Variants in SLC19A3 observed in about 807,000 individuals in gnomAD.
SLC19A3 encodes the protein solute carrier family 19 member 3, also known as thiamine transporter 2.
A neutral mutation model predicts 40.2 loss-of-function variants in SLC19A3; 31 were observed. That is an observed-to-expected ratio of 0.77 (90% CI 0.58 to 1.04). The LOEUF is 1.04. Ranked by LOEUF, SLC19A3 falls within the 50% of genes least tolerant of loss-of-function variation. The pLI is 0.00. For missense variants in SLC19A3, 592 were observed against 596.7 expected (o/e 0.99, Z 0.08); for synonymous variants, 212 against 227.5 (o/e 0.93, Z 0.61).
intron 1 of SLC19A3, among the ~76,000 whole-genome samples, chr2:227,715,951 C>A (rs1359123712): frequency 1.1e-3 from 97 of 87,114 alleles, no homozygotes; most frequent in East Asian, 6.4e-3. Context: ...GACTCCGTCT[C>A]AAAAAAAAAA....
At chr2:227,702,357 CT>C in intron 1 of SLC19A3, 37 bp from the exon 2 acceptor site, 1 of 1,607,428 alleles carries the variant, frequency 6.2e-7, no homozygotes, top group African/African-American at 1.3e-5. Context: ...TTAAGTGATG[CT>C]TATTCTTTTT....
At chr2:227,707,959 C>G (rs1447070199) in intron 1 of SLC19A3, among the ~76,000 whole-genome samples, 1 of 152,162 alleles carries the variant, frequency 6.6e-6, no homozygotes, top group Non-Finnish European at 1.5e-5. Context: ...GAACTCCTGA[C>G]CTCAGGTGAT....
At position 227,695,991 on chromosome 2, in the gene SLC19A3, G is replaced by A. The variant is rs778139709; in HGVS notation, c.1070C>T (p.Ala357Val). The change falls in exon 4 of 6, where the codon GCC (alanine) becomes GTC (valine). Residue 357 changes from alanine (A) to valine (V), a missense_variant. Transcript: ENST00000644224. ...GTAATGCATGAGAAATAAAGAACCG[G>A]CATTGACAACTGAGAAGACCACCAG... ...LALVVFSVVNAGSLFLMHYTA... is the reference protein window; with the variant it reads ...LALVVFSVVNVGSLFLMHYTA... 20 of 1,613,926 alleles carry A rather than the reference G, an allele frequency of 1.2e-5. No homozygotes were observed. In the East Asian group the frequency reaches 3.8e-4, roughly 31 times the overall value.
intron 3 of SLC19A3, among the ~76,000 whole-genome samples, chr2:227,697,377 C>T (rs1695479176): frequency 6.6e-6 from 1 of 152,188 alleles, no homozygotes; most frequent in South Asian, 2.1e-4. Flanking sequence ...TCTCATTTGA[C>T]ATTTAAGCTT....
rs780080112 is a variant in SLC19A3, at chr2:227,686,607, C to G, written c.*790G>C. 1 of 152,414 alleles carries G rather than the reference C, an allele frequency of 6.6e-6. No homozygotes were observed. The highest frequency in any genetic ancestry group is 2.4e-5 in the African/African-American group (1 of 41,456). The allele number at this position is 152,414 out of a possible 1,614,324, so 9.4% of individuals were successfully genotyped here. A position where few individuals can be genotyped will look rare whatever the true frequency, so the allele number is the denominator to read the frequency against. On this transcript the variant is annotated 3_prime_UTR_variant, in exon 6 of 6. Coordinates refer to ENST00000644224, the MANE Select transcript of SLC19A3 (RefSeq NM_025243.4). ...TTGCTCGGATTACAGGAGTGAGCCA[C>G]TGCACCTGGCCCATAGATGCATTAA...
chr2:227,709,619 G>A (rs116722695), intron 1 of SLC19A3, among the ~76,000 whole-genome samples: 3,023 of 152,216 alleles, frequency 0.02, 99 homozygotes, highest in African/African-American at 0.069. Flanking sequence ...TGCACACCCA[G>A]AGGATGGAAT....
chr2:227,711,999 G>A (rs184545032), intron 1 of SLC19A3, among the ~76,000 whole-genome samples: 7 of 128,002 alleles, frequency 5.5e-5, no homozygotes, highest in African/African-American at 1.5e-4. Context: ...GTAGTGAGCC[G>A]AGATCCCGCT....
At position 227,698,796 on chromosome 2, in the gene SLC19A3, C is replaced by A. The variant is rs377204541; in HGVS notation, c.919G>T (p.Ala307Ser). 6.2e-7 allele frequency: 1 copy of A among 1,614,174 alleles called. No homozygotes were observed. The highest frequency in any genetic ancestry group is 8.5e-7 in the Non-Finnish European group (1 of 1,180,044). Reference protein sequence around the residue: ...NYVQILWDYKAPSQDSSIYNG... With the variant: ...NYVQILWDYKSPSQDSSIYNG... ...TAGATGGAAGAATCTTGGGATGGCG[C>A]CTTGTAATCCCACAGGATTTGAACA... The change falls in exon 3 of 6, where the codon GCG (alanine) becomes TCG (serine). Residue 307 changes from alanine to serine, a missense_variant. By Grantham distance (99) the Ala-to-Ser change is moderately conservative. Coordinates refer to ENST00000644224, the MANE Select transcript of SLC19A3 (RefSeq NM_025243.4).
At chr2:227,708,903 C>T (rs1385371896) in intron 1 of SLC19A3, among the ~76,000 whole-genome samples, 2 of 152,182 alleles carry the variant, frequency 1.3e-5, no homozygotes, top group Admixed American at 1.3e-4. Flanking sequence ...GCTGTATTTC[C>T]TTCAGTGAGT....
intron 4 of SLC19A3, among the ~76,000 whole-genome samples, chr2:227,692,330 T>C (rs1484472205): frequency 6.6e-6 from 1 of 152,172 alleles, no homozygotes; most frequent in Admixed American, 6.5e-5. Context: ...CTGAATTCAA[T>C]AATACATTAG....
chr2:227,714,367 T>C (rs1696255201), intron 1 of SLC19A3: 3 of 939,268 alleles, frequency 3.2e-6, no homozygotes, highest in African/African-American at 1.8e-5. Context: ...ACCTTGTAAG[T>C]CTGGCCACAT....
In SLC19A3 at chr2:227,687,130, C is replaced by A. The variant is rs1695043892; in HGVS notation, c.*267G>T. ...GCATGTCTTTACAAGTGATAAAAACCAGAATTTTCCAGCTGCTACTAGTCA... is the reference window on the plus strand; with the variant it reads ...GCATGTCTTTACAAGTGATAAAAACAAGAATTTTCCAGCTGCTACTAGTCA... On this transcript the variant is annotated 3_prime_UTR_variant, in exon 6 of 6. Coordinates refer to ENST00000644224, the MANE Select transcript of SLC19A3 (RefSeq NM_025243.4). 2 of 334,672 alleles carry A rather than the reference C, an allele frequency of 6.0e-6. No homozygotes were observed. The highest frequency in any genetic ancestry group is 2.1e-5 in the African/African-American group (1 of 47,466). The allele number at this position is 334,672 out of a possible 1,614,324, so 20.7% of individuals were successfully genotyped here.
At chr2:227,695,767 T>C (rs2106325775) in intron 4 of SLC19A3, 122 bp downstream of exon 4, 1 of 942,630 alleles carries the variant, frequency 1.1e-6, no homozygotes, top group South Asian at 1.4e-5. Flanking sequence ...TAATTTAATA[T>C]AAAGCAGTCA....
intron 1 of SLC19A3, among the ~76,000 whole-genome samples, chr2:227,705,665 G>A (rs1217725470): frequency 6.6e-6 from 1 of 152,110 alleles, no homozygotes. Context: ...GGAATGGAAT[G>A]ATGAGAACGC....
intron 1 of SLC19A3, among the ~76,000 whole-genome samples, chr2:227,714,250 G>A (rs552041730): frequency 1.3e-5 from 2 of 152,098 alleles, no homozygotes; most frequent in Non-Finnish European, 2.9e-5. Context: ...TCAGGGCAAG[G>A]CCTCCGTATA....
At chr2:227,701,067 C>A in intron 2 of SLC19A3, 1 of 1,303,878 alleles carries the variant, frequency 7.7e-7, no homozygotes, top group Non-Finnish European at 1.0e-6. Flanking sequence ...GCTTCTGACC[C>A]TGCATCTGTC....
intron 1 of SLC19A3, among the ~76,000 whole-genome samples, chr2:227,716,141 CTG>C (rs1363431005): frequency 6.6e-6 from 1 of 152,100 alleles, no homozygotes; most frequent in Admixed American, 6.6e-5. Context: ...TTTTACAACT[CTG>C]TAAATTTTAA....
intron 4 of SLC19A3, among the ~76,000 whole-genome samples, chr2:227,690,556 A>C (rs1366056506): frequency 6.6e-6 from 1 of 151,726 alleles, no homozygotes; most frequent in African/African-American, 2.4e-5. Context: ...AAATACAAAA[A>C]ATTAGCTGGG....
chr2:227,704,084 C>T (rs1016128272), intron 1 of SLC19A3, among the ~76,000 whole-genome samples: 1 of 152,166 alleles, frequency 6.6e-6, no homozygotes, highest in Non-Finnish European at 1.5e-5. Context: ...AGCATAGCAC[C>T]TAATACATAG....
Sources: allele counts gnomAD v4.1 joint callset (sites outside exome capture counted in the v4.1 genomes callset), GRCh38; gene constraint gnomAD v4.1.1; transcripts MANE v1.5; gene names NCBI Gene and HGNC (gene_info 2026-07-23, HGNC 2026-07-21).